The following USP47 variants were observed in gnomAD, a reference collection of about 807,000 sequenced individuals.
USP47 encodes ubiquitin specific peptidase 47.
Under a neutral mutation model 165.1 loss-of-function variants are expected in USP47, and 35 were observed. The observed-to-expected ratio is 0.21, with a 90% CI of 0.16 to 0.28. The LOEUF (loss-of-function observed/expected upper bound fraction) is 0.28, where lower values mean the gene tolerates loss of function less well. Ranked by LOEUF, USP47 falls within the 10% of genes least tolerant of loss-of-function variation. USP47 has a pLI of 1.00. For missense variants in USP47, 1,277 were observed against 1,607.4 expected (o/e 0.79, Z 3.52); for synonymous variants, 531 against 544.5 (o/e 0.98, Z 0.35).
At chr11:11,948,268 T>G in intron 21 of USP47, 148 bp downstream of exon 21, 1 of 1,012,732 alleles carries the variant, frequency 9.9e-7, no homozygotes. Flanking sequence ...TTTTTTGTTG[T>G]TATTTTTCTT....
chr11:11,871,935 A>G (rs1850095175), intron 1 of USP47, among the ~76,000 whole-genome samples: 2 of 152,176 alleles, frequency 1.3e-5, no homozygotes, highest in Admixed American at 1.3e-4. Flanking sequence ...ATTGGGAGAT[A>G]AGGAGCACCA....
At chr11:11,854,580 G>A (rs1848919759) in intron 1 of USP47, among the ~76,000 whole-genome samples, 1 of 147,136 alleles carries the variant, frequency 6.8e-6, no homozygotes, top group Admixed American at 6.8e-5. Context: ...TCCCCCAGGG[G>A]CCATCACAAT....
intron 20 of USP47, among the ~76,000 whole-genome samples, chr11:11,945,022 A>C (rs1345732740): frequency 6.6e-6 from 1 of 152,246 alleles, no homozygotes; most frequent in African/African-American, 2.4e-5. Context: ...TTGGAAATTC[A>C]TACCAGGCTA....
At chr11:11,898,429 T>C (rs1851985057) in intron 5 of USP47, among the ~76,000 whole-genome samples, 1 of 152,152 alleles carries the variant, frequency 6.6e-6, no homozygotes, top group Non-Finnish European at 1.5e-5. Context: ...ATTTAGGTTA[T>C]TTTTGGAACT....
intron 2 of USP47, 74 bp downstream of exon 2, chr11:11,880,454 A>C (rs1029650227): frequency 1.1e-5 from 13 of 1,146,226 alleles, no homozygotes; most frequent in Non-Finnish European, 1.4e-5. Context: ...GATAATGTTA[A>C]ATCCTGGAAC....
At chr11:11,908,192 G>T (rs1414323893) in intron 8 of USP47, among the ~76,000 whole-genome samples, 1 of 152,184 alleles carries the variant, frequency 6.6e-6, no homozygotes, top group Non-Finnish European at 1.5e-5. Flanking sequence ...TGTATGTTTT[G>T]TTTAGTGTGC....
At chr11:11,864,232 C>T (rs1849543636) in intron 1 of USP47, among the ~76,000 whole-genome samples, 1 of 151,886 alleles carries the variant, frequency 6.6e-6, no homozygotes, top group Non-Finnish European at 1.5e-5. Flanking sequence ...TTTATTTATA[C>T]ATATTTATAA....
chr11:11,891,488 T>C (rs897374457), intron 3 of USP47, among the ~76,000 whole-genome samples: 1 of 152,226 alleles, frequency 6.6e-6, no homozygotes, highest in African/African-American at 2.4e-5. Context: ...CTAAAATAGC[T>C]ATTAATTTAG....
At chr11:11,870,249 C>G (rs572187995) in intron 1 of USP47, among the ~76,000 whole-genome samples, 1 of 151,776 alleles carries the variant, frequency 6.6e-6, no homozygotes, top group Non-Finnish European at 1.5e-5. Flanking sequence ...TGTTATTTTA[C>G]TAGTTCAAGT....
rs1298647133 is a variant in USP47 at position 11,956,165 on chromosome 11, C to T, written c.4058C>T (p.Thr1353Ile). 5.6e-6 allele frequency: 9 copies of T among 1,614,016 alleles called. No individual in the cohort carries two copies. The East Asian group carries it at 2.0e-4, about 36-fold the overall frequency. ...GATGGAGCACCAAATAAAGATCTGA[C>T]TCAAGACTGACTCTGATAGTGTAGC... ...YLDGAPNKDL[T>I]QD The change falls in exon 28 of 28, where the codon ACT becomes ATT. Residue 1353 changes from threonine (T) to isoleucine (I), a missense_variant. Physicochemically the swap from Thr to Ile is moderately conservative, Grantham distance 89 (BLOSUM62 -1). This residue lies in a region of USP47 where 909 missense variants were observed against 1,068.1 expected (regional missense o/e 0.85). Coordinates refer to ENST00000527733, the MANE Select transcript of USP47 (RefSeq NM_001282659.2).
chr11:11,854,339 G>C (rs1848906058), intron 1 of USP47, among the ~76,000 whole-genome samples: 1 of 146,864 alleles, frequency 6.8e-6, no homozygotes, highest in African/African-American at 2.4e-5. Flanking sequence ...GGACACTACA[G>C]CTGGAGTCCC....
intron 2 of USP47, among the ~76,000 whole-genome samples, chr11:11,881,544 C>T (rs1181206031): frequency 6.6e-6 from 1 of 151,948 alleles, no homozygotes; most frequent in Non-Finnish European, 1.5e-5. Context: ...TGTGGTTCCC[C>T]TTAGTTTTAT....
intron 14 of USP47, 46 bp downstream of exon 14, chr11:11,930,797 AATTT>A (rs1353091264): frequency 6.6e-7 from 1 of 1,511,850 alleles, no homozygotes; most frequent in African/African-American, 1.4e-5. Context: ...GTTATAAACT[AATTT>A]CTTTTGTAAG....
At chr11:11,910,655 CT>C (rs1852907504) in intron 8 of USP47, among the ~76,000 whole-genome samples, 1 of 152,038 alleles carries the variant, frequency 6.6e-6, no homozygotes, top group African/African-American at 2.4e-5. Flanking sequence ...CCCAGAATTC[CT>C]TTCCCTGCGC....
intron 16 of USP47, among the ~76,000 whole-genome samples, chr11:11,935,141 T>C (rs1854961661): frequency 6.6e-6 from 1 of 152,124 alleles, no homozygotes; most frequent in African/African-American, 2.4e-5. Context: ...ACTTATATTA[T>C]ACATCTGGTC....
intron 8 of USP47, among the ~76,000 whole-genome samples, chr11:11,913,157 CAGTA>C (rs1853128155): frequency 6.9e-6 from 1 of 145,086 alleles, no homozygotes; most frequent in South Asian, 2.1e-4. Flanking sequence ...CTAGCCAACA[CAGTA>C]AGGTAAGAAG....
intron 17 of USP47, among the ~76,000 whole-genome samples, chr11:11,937,573 C>CT (rs554663366): frequency 0.24 from 32,657 of 133,434 alleles, 3,802 homozygotes; most frequent in Admixed American, 0.4. Flanking sequence ...CATTTCCTTG[C>CT]TTTTTTTTTT....
At chr11:11,952,657 T>C (rs1281350114) in intron 24 of USP47, 84 bp from the exon 25 acceptor site, 1 of 1,338,094 alleles carries the variant, frequency 7.5e-7, no homozygotes, top group African/African-American at 1.5e-5. Flanking sequence ...GTAAATCTTT[T>C]TGTTTAGTAA....
At chr11:11,898,005 G>T (rs1851950077) in intron 5 of USP47, among the ~76,000 whole-genome samples, 1 of 152,018 alleles carries the variant, frequency 6.6e-6, no homozygotes, top group South Asian at 2.1e-4. Flanking sequence ...GCTTTTGAGA[G>T]AATTCGAATA....
Sources: allele counts gnomAD v4.1 joint callset (sites outside exome capture counted in the v4.1 genomes callset), GRCh38; gene constraint gnomAD v4.1.1; regional missense constraint gnomAD v4.1.1; transcripts MANE v1.5; gene names NCBI Gene and HGNC (gene_info 2026-07-23, HGNC 2026-07-21).